The following RAP1GAP2 variants were observed in gnomAD, a reference collection of about 807,000 sequenced individuals.
The protein encoded by RAP1GAP2 is RAP1 GTPase activating protein 2, also known as rap1 GTPase-activating protein 2.
RAP1GAP2 carries 27 observed loss-of-function variants against 95.0 expected under a neutral mutation model. The ratio of observed to expected loss-of-function variants is 0.28; its 90% CI spans 0.21 to 0.39. The LOEUF (loss-of-function observed/expected upper bound fraction) is 0.39. RAP1GAP2 is among the 10% of genes least tolerant of loss of function. The probability of loss-of-function intolerance (pLI) is 1.00; values close to 1 mark genes in which losing one functional copy is unlikely to be tolerated. For missense variants in RAP1GAP2, 771 were observed against 970.0 expected (o/e 0.79, Z 2.72); for synonymous variants, 373 against 380.9 (o/e 0.98, Z 0.24).
At chr17:2,842,823 C>T (rs1431284881) in intron 2 of RAP1GAP2, among the ~76,000 whole-genome samples, 1 of 152,098 alleles carries the variant, frequency 6.6e-6, no homozygotes, top group Non-Finnish European at 1.5e-5. Flanking sequence ...CCCCTCCAGC[C>T]AATCCAATTC....
At chr17:2,821,241 GCA>G (rs911133642) in intron 2 of RAP1GAP2, among the ~76,000 whole-genome samples, 28 of 151,798 alleles carry the variant, frequency 1.8e-4, no homozygotes, top group African/African-American at 6.8e-4. Context: ...TTTAAAAATA[GCA>G]CTTTTCCTGA....
chr17:2,847,181 G>T (rs1345668601), intron 2 of RAP1GAP2, among the ~76,000 whole-genome samples: 1 of 152,096 alleles, frequency 6.6e-6, no homozygotes, highest in African/African-American at 2.4e-5. Context: ...GCTAATTTTT[G>T]TATTTTGAGT....
At chr17:2,784,146 G>A (rs1597299880) in intron 1 of RAP1GAP2, among the ~76,000 whole-genome samples, 2 of 151,288 alleles carry the variant, frequency 1.3e-5, no homozygotes, top group South Asian at 4.2e-4. Context: ...CTAATTTTTT[G>A]TATTTTTAGT....
At chr17:2,814,695 T>A (rs1054845714) in intron 2 of RAP1GAP2, among the ~76,000 whole-genome samples, 7 of 152,058 alleles carry the variant, frequency 4.6e-5, no homozygotes, top group African/African-American at 1.4e-4. Flanking sequence ...CTACCTTGGG[T>A]TGAGCTGTGA....
chr17:2,852,262 T>C (rs2071885715), intron 2 of RAP1GAP2, among the ~76,000 whole-genome samples: 1 of 150,902 alleles, frequency 6.6e-6, no homozygotes, highest in Non-Finnish European at 1.5e-5. Context: ...CCCGGGTCAT[T>C]CAAATCTCTA....
intron 3 of RAP1GAP2, among the ~76,000 whole-genome samples, chr17:2,930,514 G>A (rs902952843): frequency 6.6e-6 from 1 of 152,174 alleles, no homozygotes; most frequent in Non-Finnish European, 1.5e-5. Context: ...TTCCTACTTC[G>A]CAGGCTCATC....
At chr17:2,887,567 G>A (rs12951106) in intron 2 of RAP1GAP2, among the ~76,000 whole-genome samples, 19,796 of 151,268 alleles carry the variant, frequency 0.13, 1,643 homozygotes, top group Non-Finnish European at 0.19. Context: ...GTAGAAATGG[G>A]TTTCACCATG....
At chr17:3,009,292 GTATAAA>G (rs2046435107) in intron 17 of RAP1GAP2, among the ~76,000 whole-genome samples, 1 of 152,218 alleles carries the variant, frequency 6.6e-6, no homozygotes, top group Admixed American at 6.5e-5. Flanking sequence ...TATTACAGTT[GTATAAA>G]GTGAAAGCTT....
Position 2,963,486 on chromosome 17 carries a change from A to G in RAP1GAP2, c.279+24A>G. The G allele has an allele frequency of 5.0e-6, 8 of 1,613,218 alleles. No individual in the cohort carries two copies. Among genetic ancestry groups the G allele is most frequent in the Non-Finnish European group, 5.9e-6 (7 of 1,179,478 alleles). ...AGGTAGGTGCCCTCCCCTCACTCCCACCTGCCCTGCAGCCTGCTCTGGGTC... is the reference window on the plus strand; with the variant it reads ...AGGTAGGTGCCCTCCCCTCACTCCCGCCTGCCCTGCAGCCTGCTCTGGGTC... On this transcript the variant is annotated intron_variant, in intron 6 of 24. Coordinates refer to ENST00000254695, the MANE Select transcript of RAP1GAP2 (RefSeq NM_015085.5). The surrounding 1 kb of genome is among the most constrained non-coding windows in gnomAD (Gnocchi z 4.8).
rs1475907420 is a variant in RAP1GAP2 at position 2,857,969 on chromosome 17, G to A, written c.81-47315G>A. Reference sequence around the variant, plus strand: ...GCAAAAAGTAGCTGGGTGTGGTGGCGTGCACCTGTAATCCCAGCTATTCAG... The same window carrying A: ...GCAAAAAGTAGCTGGGTGTGGTGGCATGCACCTGTAATCCCAGCTATTCAG... On this transcript the variant is annotated intron_variant, in intron 2 of 24. Transcript: ENST00000254695. The surrounding 1 kb of genome is among the most constrained non-coding windows in gnomAD (Gnocchi z 4.0). Among the ~76,000 whole-genome samples the A allele has an allele frequency of 3.3e-5, 5 of 152,114 alleles. No individual in the cohort carries two copies. Among genetic ancestry groups the A allele is most frequent in the South Asian group, 2.1e-4 (1 of 4,832 alleles).
chr17:2,799,939 G>A (rs532733798), intron 1 of RAP1GAP2, among the ~76,000 whole-genome samples: 57 of 152,258 alleles, frequency 3.7e-4, no homozygotes, highest in African/African-American at 1.3e-3. Flanking sequence ...GATCTTCCCC[G>A]CTCTGAACCT....
intron 2 of RAP1GAP2, among the ~76,000 whole-genome samples, chr17:2,882,188 G>A (rs1371707363): frequency 2.7e-5 from 4 of 148,440 alleles, no homozygotes. Flanking sequence ...GTGCAGTGGT[G>A]CGTTCTTGGC....
intron 1 of RAP1GAP2, among the ~76,000 whole-genome samples, chr17:2,783,722 G>A (rs1218603177): frequency 6.6e-6 from 1 of 152,242 alleles, no homozygotes; most frequent in Non-Finnish European, 1.5e-5. Context: ...GGTTCAGTGG[G>A]GATAACGCTT....
chr17:2,855,089 GGGTGGT>G lies in RAP1GAP2; in HGVS notation c.81-50191_81-50186del, dbSNP rs1225211614. 6.6e-6 allele frequency among the ~76,000 whole-genome samples: 1 copy of G among 152,208 alleles called. No individual in the cohort carries two copies. Among genetic ancestry groups the G allele is most frequent in the African/African-American group, 2.4e-5 (1 of 41,454 alleles). On this transcript the variant is annotated intron_variant, in intron 2 of 24. Transcript: ENST00000254695. This position sits in a 1 kb window ranked among gnomAD's most constrained non-coding sequence, Gnocchi z 4.3. ...ATGCCCACAGGTATGAACGTACCTGGGGTGGTGGTAGGCAGGGAATACGGGGGACTT... is the reference window on the plus strand; with the variant it reads ...ATGCCCACAGGTATGAACGTACCTGGGGTAGGCAGGGAATACGGGGGACTT...
rs547807438 is a variant in RAP1GAP2, at chr17:2,882,138, T to A, written c.81-23146T>A. 1.5e-4 allele frequency among the ~76,000 whole-genome samples: 22 copies of A among 147,296 alleles called. 1 individual carries two copies. The East Asian group carries it at 3.7e-3, about 24-fold the overall frequency. On this transcript the variant is annotated intron_variant, in intron 2 of 24. Transcript: ENST00000254695. ...CCTGGCCTTTTTTTTTTTTTTTTTT[T>A]AATTTTGAGATGTAGTCTCACTCTT... is the stretch of plus-strand genomic sequence containing the variant.
chr17:2,963,760 C>A lies in RAP1GAP2; in HGVS notation c.280-96C>A. ...GCCTCAAGTACCAGTGGGTACCAGG[C>A]CCCACTCCTGGGAGCAGCGCAGAGG... On this transcript the variant is annotated intron_variant, in intron 6 of 24. Transcript: ENST00000254695. This position sits in a 1 kb window ranked among gnomAD's most constrained non-coding sequence, Gnocchi z 4.8. The A allele has an allele frequency of 8.9e-7, 1 of 1,121,426 alleles. No homozygotes were observed. Among genetic ancestry groups the A allele is most frequent in the Non-Finnish European group, 1.3e-6 (1 of 794,234 alleles). The allele number at this position is 1,121,426 out of a possible 1,614,324, so 69.5% of individuals were successfully genotyped here.
Position 2,875,159 on chromosome 17 carries a change from C to T in RAP1GAP2, c.81-30125C>T, listed in dbSNP as rs373929884. On this transcript the variant is annotated intron_variant, in intron 2 of 24. Transcript: ENST00000254695. ...TCGGCTCACTGCAACCCCTGCCTCC[C>T]GGGTTCAAGCAATTCTCCTGCCTCA... Among the ~76,000 whole-genome samples, 223 of 152,182 alleles carry T rather than the reference C, an allele frequency of 1.5e-3. 2 individuals carry two copies. Among genetic ancestry groups the T allele is most frequent in the African/African-American group, 5.0e-3 (206 of 41,508 alleles).
intron 3 of RAP1GAP2, among the ~76,000 whole-genome samples, chr17:2,945,291 G>A (rs964595205): frequency 6.6e-6 from 1 of 151,738 alleles, no homozygotes; most frequent in Non-Finnish European, 1.5e-5. Flanking sequence ...GTGTCTCTCC[G>A]ATTGTTCATT....
rs1169951103 is a variant in RAP1GAP2 at position 3,003,259 on chromosome 17, G to C, written c.1201-2110G>C. Reference sequence around the variant, plus strand: ...GGCGAGAAATTGGCTCCACGGAGTCGGGTGTGCACGAAGCATCACTCTGGA... The same window carrying C: ...GGCGAGAAATTGGCTCCACGGAGTCCGGTGTGCACGAAGCATCACTCTGGA... On this transcript the variant is annotated intron_variant, in intron 14 of 24. Transcript: ENST00000254695. This position sits in a 1 kb window ranked among gnomAD's most constrained non-coding sequence, Gnocchi z 4.1. Among the ~76,000 whole-genome samples, 1 of 152,148 alleles carries C rather than the reference G, an allele frequency of 6.6e-6. No homozygotes were observed. Among genetic ancestry groups the C allele is most frequent in the African/African-American group, 2.4e-5 (1 of 41,406 alleles).
Sources: gnomAD v4.1 joint callset for allele counts (sites outside exome capture counted in the v4.1 genomes callset) on GRCh38, gnomAD v4.1.1 for gene constraint, Gnocchi (gnomAD v3.1) non-coding constraint, MANE v1.5 for transcripts, NCBI Gene and HGNC (gene_info 2026-07-23, HGNC 2026-07-21) for gene names.